Variants in FOXP1 observed in about 807,000 individuals in gnomAD.
The protein encoded by FOXP1 is forkhead box P1, also known as forkhead box protein P1.
Under a neutral mutation model 98.2 loss-of-function variants are expected in FOXP1, and 15 were observed. The ratio of observed to expected loss-of-function variants is 0.15; its 90% CI spans 0.10 to 0.24. The LOEUF is 0.24. Among genes scored for constraint, FOXP1 ranks in the 10% least tolerant of loss-of-function variants. The pLI is 1.00. For missense variants in FOXP1, 633 were observed against 848.5 expected (o/e 0.75, Z 3.15); for synonymous variants, 371 against 314.5 (o/e 1.18, Z -1.90).
chr3:70,965,023 A>G (rs2034440547), intron 20 of FOXP1, among the ~76,000 whole-genome samples: 1 of 152,254 alleles, frequency 6.6e-6, no homozygotes, highest in African/African-American at 2.4e-5. Flanking sequence ...AGGAACTGAC[A>G]GTACTGCAAA....
intron 3 of FOXP1, among the ~76,000 whole-genome samples, chr3:71,371,638 T>C (rs2079321983): frequency 6.6e-6 from 1 of 152,156 alleles, no homozygotes; most frequent in Admixed American, 6.5e-5. Context: ...ATTTAAAAAA[T>C]TACGCAGGCA....
At chr3:71,518,284 C>G (rs993911540) in intron 2 of FOXP1, among the ~76,000 whole-genome samples, 6 of 152,052 alleles carry the variant, frequency 3.9e-5, no homozygotes, top group African/African-American at 2.4e-5. Context: ...AAATTCCTAC[C>G]CTTGTTAGGC....
intron 5 of FOXP1, among the ~76,000 whole-genome samples, chr3:71,269,105 T>TG (rs1560214525): frequency 2.0e-5 from 3 of 150,900 alleles, no homozygotes; most frequent in Admixed American, 6.6e-5. Flanking sequence ...TTTGTTTTTT[T>TG]TTTTTTTCAT....
At chr3:71,582,592 C>G (rs2048273789) in intron 1 of FOXP1, 1 of 985,332 alleles carries the variant, frequency 1.0e-6, no homozygotes, top group Non-Finnish European at 1.2e-6. Flanking sequence ...GGAAATCTCC[C>G]CGTCCCCCAA....
At chr3:71,416,267 G>C (rs1413264344) in intron 3 of FOXP1, among the ~76,000 whole-genome samples, 1 of 152,104 alleles carries the variant, frequency 6.6e-6, no homozygotes, top group Non-Finnish European at 1.5e-5. Flanking sequence ...TGGGCACAGT[G>C]ACTTACACCT....
chr3:71,281,209 AAC>A (rs1447219829), intron 5 of FOXP1, among the ~76,000 whole-genome samples: 1 of 151,060 alleles, frequency 6.6e-6, no homozygotes, highest in Non-Finnish European at 1.5e-5. Flanking sequence ...CAGCCTGGAC[AAC>A]AGTCAGACCC....
intron 3 of FOXP1, among the ~76,000 whole-genome samples, chr3:71,377,512 T>A (rs1485122803): frequency 6.6e-6 from 1 of 152,158 alleles, no homozygotes; most frequent in African/African-American, 2.4e-5. Flanking sequence ...TTCATCCCCA[T>A]CATCAGATGA....
intron 4 of FOXP1, among the ~76,000 whole-genome samples, chr3:71,358,778 G>A (rs1460919490): frequency 6.6e-6 from 1 of 152,080 alleles, no homozygotes; most frequent in Non-Finnish European, 1.5e-5. Context: ...GGAGCACAGT[G>A]ACACCCCTTT....
intron 3 of FOXP1, among the ~76,000 whole-genome samples, chr3:71,388,249 C>T (rs2080749147): frequency 6.6e-6 from 1 of 152,166 alleles, no homozygotes; most frequent in Non-Finnish European, 1.5e-5. Context: ...AAAAGATGTT[C>T]TAAATGCATC....
intron 6 of FOXP1, among the ~76,000 whole-genome samples, chr3:71,157,654 A>G (rs918556367): frequency 5.3e-5 from 8 of 152,212 alleles, no homozygotes; most frequent in African/African-American, 1.9e-4. Flanking sequence ...TTAAGTATGT[A>G]AATCTTCTGA....
intron 3 of FOXP1, among the ~76,000 whole-genome samples, chr3:71,453,581 A>C (rs77300628): frequency 0.028 from 4,255 of 152,226 alleles, 193 homozygotes; most frequent in African/African-American, 0.096. Flanking sequence ...TTTAACTCCT[A>C]CTTCTTAACA....
intron 13 of FOXP1, among the ~76,000 whole-genome samples, chr3:70,995,149 G>A (rs984665364): frequency 6.6e-6 from 1 of 152,094 alleles, no homozygotes; most frequent in Non-Finnish European, 1.5e-5. Context: ...GGCTGGAAGA[G>A]TTCATATGAA....
intron 10 of FOXP1, among the ~76,000 whole-genome samples, chr3:71,046,457 A>G (rs2049048090): frequency 6.6e-6 from 1 of 152,206 alleles, no homozygotes; most frequent in Admixed American, 6.5e-5. Context: ...TTTATAAGAG[A>G]AAGTGGTTGA....
intron 2 of FOXP1, among the ~76,000 whole-genome samples, chr3:71,528,528 A>G (rs1226254047): frequency 6.6e-6 from 1 of 152,248 alleles, no homozygotes; most frequent in Non-Finnish European, 1.5e-5. Context: ...ACAGTATCAA[A>G]GGATATGGAC....
intron 7 of FOXP1, among the ~76,000 whole-genome samples, chr3:71,077,868 T>C (rs2107494881): frequency 6.6e-6 from 1 of 152,198 alleles, no homozygotes; most frequent in East Asian, 1.9e-4. Context: ...GTTTCACTCT[T>C]GTTGCCCAGG....
chr3:71,171,368 C>CATTGTTCGCGCTGCACATATTTTCGCT (rs1168483072), intron 6 of FOXP1, among the ~76,000 whole-genome samples: 2 of 152,204 alleles, frequency 1.3e-5, no homozygotes, highest in African/African-American at 4.8e-5. Flanking sequence ...GATGTTAAAT[C>CATTGTTCGCGCTGCACATATTTTCGCT]ATTGTTCGCG....
chr3:71,283,129 G>C (rs1261980162), intron 5 of FOXP1, among the ~76,000 whole-genome samples: 1 of 152,154 alleles, frequency 6.6e-6, no homozygotes, highest in East Asian at 1.9e-4. Context: ...TCCCAGAAAG[G>C]GCTGAGAGAG....
chr3:71,509,780 T>G (rs975712957), intron 2 of FOXP1, among the ~76,000 whole-genome samples: 1 of 151,808 alleles, frequency 6.6e-6, no homozygotes, highest in African/African-American at 2.4e-5. Context: ...ACTCAGGAGG[T>G]TGAGGCAAGA....
chr3:71,424,317 T>C (rs2083923216), intron 3 of FOXP1, among the ~76,000 whole-genome samples: 1 of 152,204 alleles, frequency 6.6e-6, no homozygotes, highest in African/African-American at 2.4e-5. Flanking sequence ...ATTAGGATAA[T>C]GTCCATCTTT....
Sources: allele counts gnomAD v4.1 joint callset (sites outside exome capture counted in the v4.1 genomes callset), GRCh38; gene constraint gnomAD v4.1.1; transcripts MANE v1.5; gene names NCBI Gene and HGNC (gene_info 2026-07-23, HGNC 2026-07-21).